Variants in GPD2 observed in about 807,000 individuals in gnomAD.
The protein encoded by GPD2 is glycerol-3-phosphate dehydrogenase, mitochondrial.
GPD2 carries 54 observed loss-of-function variants against 82.4 expected under a neutral mutation model. The ratio of observed to expected loss-of-function variants is 0.66; its 90% CI spans 0.53 to 0.82. GPD2 has a LOEUF of 0.82. Among genes scored for constraint, GPD2 ranks in the 40% least tolerant of loss-of-function variants. GPD2 has a pLI of 0.00. For synonymous variants in GPD2, 288 were observed against 306.1 expected, an observed-to-expected ratio of 0.94 and a Z score of 0.62; for missense variants, 748 against 896.2, an observed-to-expected ratio of 0.83 and a Z score of 2.11.
chr2:156,436,917 G>A (rs1026109678), intron 1 of GPD2, among the ~76,000 whole-genome samples: 17 of 152,162 alleles, frequency 1.1e-4, no homozygotes, highest in Non-Finnish European at 2.5e-4. Context: ...ACCGTCCTAG[G>A]AGGAAATGGA....
At chr2:156,467,936 G>T (rs1196513846) in intron 1 of GPD2, among the ~76,000 whole-genome samples, 2 of 151,944 alleles carry the variant, frequency 1.3e-5, no homozygotes, top group African/African-American at 2.4e-5. Flanking sequence ...TGCTTGGCTG[G>T]GGGGAATGCG....
chr2:156,482,382 C>G (rs905578323), intron 2 of GPD2, among the ~76,000 whole-genome samples: 1 of 152,000 alleles, frequency 6.6e-6, no homozygotes, highest in Non-Finnish European at 1.5e-5. Flanking sequence ...CTGTTTCTTT[C>G]TTTTTTTCTA....
intron 5 of GPD2, among the ~76,000 whole-genome samples, chr2:156,512,546 G>A (rs1685040563): frequency 6.6e-6 from 1 of 152,108 alleles, no homozygotes; most frequent in Admixed American, 6.5e-5. Flanking sequence ...GTCGTATTCT[G>A]TATTTGTAAT....
At chr2:156,496,438 T>C (rs1425512142) in intron 3 of GPD2, among the ~76,000 whole-genome samples, 1 of 151,756 alleles carries the variant, frequency 6.6e-6, no homozygotes, top group Non-Finnish European at 1.5e-5. Context: ...CATGTGTCCA[T>C]GTGTTCCCAT....
At chr2:156,512,758 G>A (rs1685049016) in intron 5 of GPD2, among the ~76,000 whole-genome samples, 1 of 152,158 alleles carries the variant, frequency 6.6e-6, no homozygotes, top group Non-Finnish European at 1.5e-5. Context: ...CTGAAATTTG[G>A]TTAGGAAGTG....
At chr2:156,428,105 C>T in the GPD2 span, among the ~76,000 whole-genome samples, 2 of 152,248 alleles carry the variant, frequency 1.3e-5, no homozygotes, top group South Asian at 4.1e-4. Flanking sequence ...ACTGCTGGGC[C>T]CAATAAGGTA....
chr2:156,422,457 A>T, the GPD2 span, among the ~76,000 whole-genome samples: 1 of 152,136 alleles, frequency 6.6e-6, no homozygotes, highest in African/African-American at 2.4e-5. Flanking sequence ...CAGGCTGGGC[A>T]CAGTGGCTCA....
At chr2:156,510,060 G>A (rs547957826) in intron 3 of GPD2, among the ~76,000 whole-genome samples, 1 of 152,234 alleles carries the variant, frequency 6.6e-6, no homozygotes, top group African/African-American at 2.4e-5. Context: ...TGGGATTACA[G>A]GCATAAGCCA....
intron 1 of GPD2, among the ~76,000 whole-genome samples, chr2:156,451,840 C>T (rs1256189212): frequency 6.6e-6 from 1 of 151,402 alleles, no homozygotes; most frequent in African/African-American, 2.4e-5. Context: ...GGGCTCCTCA[C>T]TTCTCAGATG....
intron 2 of GPD2, among the ~76,000 whole-genome samples, chr2:156,488,933 A>T (rs1048303338): frequency 6.6e-6 from 1 of 152,206 alleles, no homozygotes; most frequent in Non-Finnish European, 1.5e-5. Flanking sequence ...TATTCTCCCA[A>T]TTCCACCAAG....
chr2:156,473,791 G>A lies in GPD2; in HGVS notation c.-8-2307G>A, dbSNP rs535093763. Among the ~76,000 whole-genome samples, 57 of 152,282 alleles carry A rather than the reference G, an allele frequency of 3.7e-4. 1 individual carries two copies. Among genetic ancestry groups the A allele is most frequent in the Admixed American group, 5.9e-4 (9 of 15,306 alleles). ...AATGTTTACAACAGTACATTGATTG[G>A]TGATAGTGAGCTATGACAAATGGGT... On this transcript the variant is annotated intron_variant, in intron 1 of 16. Transcript: ENST00000438166.
chr2:156,569,295 A>T, intron 10 of GPD2, 68 bp from the exon 11 acceptor site: 1 of 1,068,868 alleles, frequency 9.4e-7, no homozygotes, highest in Non-Finnish European at 1.5e-6. Flanking sequence ...TGGTAAGTTG[A>T]TAAATGGTTA....
intron 1 of GPD2, among the ~76,000 whole-genome samples, chr2:156,438,930 T>C (rs1269931316): frequency 2.0e-5 from 3 of 152,188 alleles, no homozygotes; most frequent in Admixed American, 2.0e-4. Context: ...CCAGAACTGA[T>C]GTGATTATGA....
At chr2:156,548,926 C>T (rs1276907088) in intron 6 of GPD2, among the ~76,000 whole-genome samples, 1 of 151,924 alleles carries the variant, frequency 6.6e-6, no homozygotes, top group Non-Finnish European at 1.5e-5. Context: ...ATCTTTCCCC[C>T]CTTCTCCTCC....
At chr2:156,515,613 T>C (rs369548743) in intron 6 of GPD2, among the ~76,000 whole-genome samples, 1 of 152,218 alleles carries the variant, frequency 6.6e-6, no homozygotes, top group African/African-American at 2.4e-5. Context: ...TAATCTAGAA[T>C]TGATCTTTAT....
At chr2:156,428,572 GT>G in the GPD2 span, among the ~76,000 whole-genome samples, 1 of 152,202 alleles carries the variant, frequency 6.6e-6, no homozygotes, top group Non-Finnish European at 1.5e-5. Flanking sequence ...CATATGTCAA[GT>G]TGTTTCATTC....
rs183268601 is a variant in GPD2, at chr2:156,497,730, C to T, written c.274+1515C>T. ...TTTTGGTCCATGCAGACCTCACAGC[C>T]TAAGTTGTTTTTGTCAATGCTAAAT... On this transcript the variant is annotated intron_variant, in intron 3 of 16. Coordinates refer to ENST00000438166, the MANE Select transcript of GPD2 (RefSeq NM_000408.5). Among the ~76,000 whole-genome samples, 323 of 152,184 alleles carry T rather than the reference C, an allele frequency of 2.1e-3. 3 individuals are homozygous for T. The highest frequency in any genetic ancestry group is 2.2e-3 in the Non-Finnish European group (149 of 68,004).
intron 1 of GPD2, among the ~76,000 whole-genome samples, chr2:156,447,629 A>C (rs908329113): frequency 1.3e-5 from 2 of 152,024 alleles, no homozygotes; most frequent in African/African-American, 2.4e-5. Flanking sequence ...GCCTGGCCCA[A>C]CTCTGCTCTT....
rs749312097 is a variant in GPD2, at chr2:156,549,773, G to T, written c.826+1G>T. ...GCACGGTGCAAGGATGTCCTCACAG[G>T]TATGCCAGGTATCTGGGAGGGAGGT... On this transcript the variant is annotated splice_donor_variant, in intron 7 of 16. Transcript: ENST00000438166. LOFTEE classifies it high-confidence loss of function. 1.9e-6 allele frequency: 3 copies of T among 1,608,982 alleles called. No homozygotes were observed. The highest frequency in any genetic ancestry group is 2.6e-6 in the Non-Finnish European group (3 of 1,175,468).
Sources: gnomAD v4.1 joint callset for allele counts (sites outside exome capture counted in the v4.1 genomes callset) on GRCh38, gnomAD v4.1.1 for gene constraint, MANE v1.5 for transcripts, NCBI Gene and HGNC (gene_info 2026-07-23, HGNC 2026-07-21) for gene names.